The following MACF1 variants were observed in gnomAD, a reference collection of about 807,000 sequenced individuals.
MACF1 encodes microtubule actin crosslinking factor 1, also known as microtubule-actin cross-linking factor 1.
In MACF1, 193 loss-of-function variants were observed where a neutral mutation model predicts 854.8. The ratio of observed to expected loss-of-function variants is 0.23; its 90% CI spans 0.20 to 0.25. The LOEUF (loss-of-function observed/expected upper bound fraction) is 0.25. Among genes scored for constraint, MACF1 ranks in the 10% least tolerant of loss-of-function variants. The pLI, the probability that MACF1 is intolerant of heterozygous loss-of-function variation, is 1.00. For synonymous variants in MACF1, 3,185 were observed against 3,226.7 expected, an observed-to-expected ratio of 0.99 and a Z score of 0.44; for missense variants, 7,722 against 8,929.1, an observed-to-expected ratio of 0.86 and a Z score of 5.45.
At chr1:39,477,129 T>TACACACACACACAC (rs1271205887) in intron 97 of MACF1, among the ~76,000 whole-genome samples, 14 of 30,332 alleles carry the variant, frequency 4.6e-4, no homozygotes, top group African/African-American at 1.8e-3. Flanking sequence ...TATATATATA[T>TACACACACACACAC]ATATATACAC....
Position 39,436,318 on chromosome 1 carries a change from A to G in MACF1, c.17988+557A>G, listed in dbSNP as rs139858833. Among the ~76,000 whole-genome samples the G allele has an allele frequency of 5.7e-4, 87 of 152,250 alleles. 1 individual carries two copies. The East Asian group carries it at 0.016, about 27-fold the overall frequency. Reference sequence around the variant, plus strand: ...GGTATTTTATTCCTATGTTTAGTCAATATTCTTGGTTAATATTTGTACTTA... The same window carrying G: ...GGTATTTTATTCCTATGTTTAGTCAGTATTCTTGGTTAATATTTGTACTTA... On this transcript the variant is annotated intron_variant, in intron 70 of 100. Transcript: ENST00000564288.
chr1:39,169,854 A>G (rs1381949931), intron 2 of MACF1, among the ~76,000 whole-genome samples: 1 of 148,818 alleles, frequency 6.7e-6, no homozygotes, highest in African/African-American at 2.5e-5. Flanking sequence ...GCTCACTGCA[A>G]GCTCCACCTC....
intron 1 of MACF1, among the ~76,000 whole-genome samples, chr1:39,226,146 C>G (rs1372425368): frequency 6.6e-6 from 1 of 152,134 alleles, no homozygotes; most frequent in South Asian, 2.1e-4. Context: ...AGCAGGCTAG[C>G]TAGTCTTGGG....
At chr1:39,237,480 A>G (rs569105881) in intron 2 of MACF1, among the ~76,000 whole-genome samples, 1 of 152,368 alleles carries the variant, frequency 6.6e-6, no homozygotes, top group South Asian at 2.1e-4. Context: ...TAATATTTCA[A>G]TAGTGTTATA....
At chr1:39,175,941 CAAA>C (rs68102262) in intron 2 of MACF1, among the ~76,000 whole-genome samples, 8 of 98,538 alleles carry the variant, frequency 8.1e-5, no homozygotes, top group South Asian at 3.7e-4. Context: ...ACTAAAAATA[CAAA>C]AAAAAAAAAA....
chr1:39,317,773 C>T (rs1646440865), intron 29 of MACF1, among the ~76,000 whole-genome samples: 1 of 152,188 alleles, frequency 6.6e-6, no homozygotes, highest in Admixed American at 6.5e-5. Flanking sequence ...TGGAGCTTTA[C>T]AGAATTTCTT....
intron 58 of MACF1, among the ~76,000 whole-genome samples, chr1:39,393,181 T>TAAAAAAA (rs1192045357): frequency 9.4e-4 from 85 of 90,228 alleles, no homozygotes; most frequent in Non-Finnish European, 1.5e-3. Context: ...CTGGGAAGGG[T>TAAAAAAA]AAAAAAAAAA....
At chr1:39,102,781 G>A (rs908969603) in intron 2 of MACF1, 4 of 702,474 alleles carry the variant, frequency 5.7e-6, no homozygotes, top group African/African-American at 1.7e-5. Flanking sequence ...CCCATCAGGA[G>A]CAAAAGAAAA....
intron 5 of MACF1, among the ~76,000 whole-genome samples, chr1:39,256,355 G>A (rs1645096055): frequency 6.6e-6 from 1 of 152,070 alleles, no homozygotes. Flanking sequence ...CTCGGGGAGG[G>A]GACAGGTTTT....
intron 4 of MACF1, chr1:39,254,094 A>G (rs1026836467): frequency 7.1e-6 from 4 of 560,066 alleles, no homozygotes; most frequent in African/African-American, 5.7e-5. Flanking sequence ...GTAGTGGTAC[A>G]CAAGACATTT....
Position 39,105,564 on chromosome 1 carries a change from A to G in MACF1, c.220+21126A>G. 9.2e-7 allele frequency: 1 copy of G among 1,083,898 alleles called. No individual in the cohort carries two copies. The highest frequency in any genetic ancestry group is 1.1e-6 in the Non-Finnish European group (1 of 889,900). 67.1% of individuals were successfully genotyped at this position (1,083,898 alleles called of 1,614,324 possible). On this transcript the variant is annotated intron_variant, in intron 2 of 93. Transcript: ENST00000361689. The surrounding 1 kb of genome is among the most constrained non-coding windows in gnomAD (Gnocchi z 5.9). ...TCGAGGCTGGGGCCGCCGCCGCCTC[A>G]GCGCGCGGGCCTGGAACCGGCAGCC... is the stretch of plus-strand genomic sequence containing the variant.
intron 58 of MACF1, among the ~76,000 whole-genome samples, chr1:39,392,107 C>A (rs1323068822): frequency 6.6e-6 from 1 of 152,202 alleles, no homozygotes; most frequent in Non-Finnish European, 1.5e-5. Context: ...CACCTGTCCA[C>A]CTTGTAGGGA....
chr1:39,428,200 G>T lies in MACF1; in HGVS notation c.16716G>T (p.Trp5572Cys). Residue 5572 changes from tryptophan (W) to cysteine (C), a missense_variant, in exon 63 of 101, where the codon TGG (tryptophan) becomes TGT (cysteine). By Grantham distance (215) the Trp-to-Cys change is radical. Transcript: ENST00000564288. ...FGEDEVEVLN[W>C]LAEVEDKLSS... is the part of the protein sequence containing the mutation. ...AGGATGAGGTGGAGGTGCTCAACTG[G>T]CTGGCTGAGGTTGAGGACAAGCTCA... The T allele has an allele frequency of 6.2e-7, 1 of 1,614,172 alleles. No individual in the cohort carries two copies. Among genetic ancestry groups the T allele is most frequent in the Non-Finnish European group, 8.5e-7 (1 of 1,180,044 alleles).
chr1:39,200,489 A>G (rs539010440), upstream of MACF1, among the ~76,000 whole-genome samples: 9 of 152,186 alleles, frequency 5.9e-5, no homozygotes, highest in South Asian at 6.2e-4. Flanking sequence ...ACCTGAGATC[A>G]GGAGTTCGAG....
intron 60 of MACF1, among the ~76,000 whole-genome samples, chr1:39,423,493 G>A (rs1024544424): frequency 2.6e-5 from 4 of 151,908 alleles, no homozygotes; most frequent in African/African-American, 9.7e-5. Flanking sequence ...AAATTAGCCG[G>A]GCATGGTGGT....
chr1:39,297,766 G>A (rs779894317), intron 21 of MACF1, 21 bp downstream of exon 21: 3 of 1,613,086 alleles, frequency 1.9e-6, no homozygotes, highest in Admixed American at 3.3e-5. Context: ...CCTCAGTGGG[G>A]ATGATTACTT....
chr1:39,474,778 G>C lies in MACF1; in HGVS notation c.21959-5020G>C, dbSNP rs140367885. On this transcript the variant is annotated intron_variant, in intron 97 of 100. Transcript: ENST00000564288. ...ACTGCGCTCCAGCCTCAGCGACAGA[G>C]TGAGACTGTATCTCAAGAAAAAAGG... 1.4e-3 allele frequency among the ~76,000 whole-genome samples: 219 copies of C among 152,344 alleles called. 3 individuals are homozygous for C. The highest frequency in any genetic ancestry group is 6.8e-3 in the Middle Eastern group (2 of 294).
At position 39,429,302 on chromosome 1, in the gene MACF1, C is replaced by A; in HGVS notation, c.16864C>A (p.Gln5622Lys). 1 of 1,586,306 alleles carries A rather than the reference C, an allele frequency of 6.3e-7. No individual in the cohort carries two copies. Among genetic ancestry groups the A allele is most frequent in the South Asian group, 1.1e-5 (1 of 90,292 alleles). ...KNVDQAIKNGQALLKQTTGEE... is the reference protein window; with the variant it reads ...KNVDQAIKNGKALLKQTTGEE... ...TGTAGATCAAGCTATTAAAAATGGTCAGGCTCTTCTAAAACAAACCACAGG... is the reference window on the plus strand; with the variant it reads ...TGTAGATCAAGCTATTAAAAATGGTAAGGCTCTTCTAAAACAAACCACAGG... Residue 5622 changes from glutamine (Q) to lysine (K), a missense_variant, in exon 64 of 101, where the codon CAG (glutamine) becomes AAG (lysine). By Grantham distance (53) the Gln-to-Lys change is moderately conservative. Coordinates refer to ENST00000564288, the MANE Select transcript of MACF1 (RefSeq NM_001394062.1).
chr1:39,429,714 CAG>C (rs146170592), intron 64 of MACF1, 111 bp from the exon 65 acceptor site: 5,910 of 972,056 alleles, frequency 6.1e-3, no homozygotes, highest in South Asian at 9.2e-3. Flanking sequence ...ATCATTACCA[CAG>C]AGAGAGAGAG....
Sources: gnomAD v4.1 joint callset for allele counts (sites outside exome capture counted in the v4.1 genomes callset) on GRCh38, gnomAD v4.1.1 for gene constraint, Gnocchi (gnomAD v3.1) non-coding constraint, MANE v1.5 for transcripts, NCBI Gene and HGNC (gene_info 2026-07-23, HGNC 2026-07-21) for gene names.